SYT2: variants seen among roughly 807,000 people sequenced by gnomAD.
The protein encoded by SYT2 is synaptotagmin-2.
Under a neutral mutation model 39.9 loss-of-function variants are expected in SYT2, and 15 were observed. The ratio of observed to expected loss-of-function variants is 0.38; its 90% CI spans 0.25 to 0.58. SYT2 has a LOEUF of 0.58. Among genes scored for constraint, SYT2 ranks in the 20% least tolerant of loss-of-function variants. The probability of loss-of-function intolerance (pLI) is 0.70; values close to 1 mark genes in which losing one functional copy is unlikely to be tolerated. For missense variants in SYT2, 389 were observed against 530.3 expected (o/e 0.73, Z 2.62); for synonymous variants, 181 against 204.5 (o/e 0.89, Z 0.98).
intron 1 of SYT2, among the ~76,000 whole-genome samples, chr1:202,679,440 C>T (rs151285358): frequency 6.6e-6 from 1 of 152,200 alleles, no homozygotes; most frequent in Admixed American, 6.5e-5. Flanking sequence ...CTTCTCAGCT[C>T]CAGGCACCAT....
intron 1 of SYT2, among the ~76,000 whole-genome samples, chr1:202,634,022 C>T (rs1352043254): frequency 4.6e-5 from 7 of 152,200 alleles, no homozygotes; most frequent in Admixed American, 3.9e-4. Context: ...GGGCCAGAGG[C>T]CAGGGTCCAA....
In SYT2 at chr1:202,592,402, G is replaced by A. The variant is rs953271524; in HGVS notation, c.*4355C>T. The A allele has an allele frequency of 3.9e-5, 6 of 152,668 alleles. No homozygotes were observed. Among genetic ancestry groups the A allele is most frequent in the Admixed American group, 3.3e-4 (5 of 15,284 alleles). The allele number at this position is 152,668 out of a possible 1,614,324, so 9.5% of individuals were successfully genotyped here. A position where few individuals can be genotyped will look rare whatever the true frequency, so the allele number is the denominator to read the frequency against. On this transcript the variant is annotated 3_prime_UTR_variant, in exon 9 of 9. Transcript: ENST00000367268. ...GGTTTCCCGATGGGAGGAGGCAGGGGTGGGGCTGGGGAACAAAGACTTTAC... is the reference window on the plus strand; with the variant it reads ...GGTTTCCCGATGGGAGGAGGCAGGGATGGGGCTGGGGAACAAAGACTTTAC...
At chr1:202,685,582 A>C (rs1653642701) in intron 1 of SYT2, among the ~76,000 whole-genome samples, 1 of 151,838 alleles carries the variant, frequency 6.6e-6, no homozygotes, top group Non-Finnish European at 1.5e-5. Flanking sequence ...GCATCACCCC[A>C]CCTCACCACA....
Position 202,602,501 on chromosome 1 carries a change from G to A in SYT2, c.510C>T (p.Asp170=), listed in dbSNP as rs1378011653. 8.1e-6 allele frequency: 13 copies of A among 1,614,028 alleles called. No homozygotes were observed. Among genetic ancestry groups the A allele is most frequent in the Middle Eastern group, 1.7e-4 (1 of 5,974 alleles). The stretch of plus-strand genomic sequence containing the variant: ...CATAAGGGTCTGAGGTGCCTCCCAT[G>A]TCCAGGGCAGGCAGTTCAGCAGCCT... ...VLQAAELPAL[D]MGGTSDPYVK... is the part of the protein sequence containing the mutation. The change falls in exon 5 of 9, where the codon GAC becomes GAT. Residue 170 remains aspartate, a synonymous_variant. Transcript: ENST00000367268.
At chr1:202,618,788 C>T (rs779856976) in intron 1 of SYT2, among the ~76,000 whole-genome samples, 9 of 152,248 alleles carry the variant, frequency 5.9e-5, no homozygotes, top group East Asian at 3.9e-4. Context: ...CTGGGAGACA[C>T]GCCAGTAGCT....
chr1:202,598,060 CTG>C (rs1433519705), intron 8 of SYT2, among the ~76,000 whole-genome samples: 1 of 152,202 alleles, frequency 6.6e-6, no homozygotes, highest in Non-Finnish European at 1.5e-5. Context: ...TGCCCTCCCA[CTG>C]TGAGGTCCTT....
At chr1:202,644,751 C>G (rs1417281387) in intron 1 of SYT2, among the ~76,000 whole-genome samples, 4 of 152,120 alleles carry the variant, frequency 2.6e-5, no homozygotes, top group African/African-American at 9.7e-5. Context: ...TCACTCAGGG[C>G]TTTCCAGGGC....
intron 1 of SYT2, among the ~76,000 whole-genome samples, chr1:202,704,324 G>A (rs530730026): frequency 1.2e-4 from 19 of 152,304 alleles, no homozygotes; most frequent in South Asian, 4.2e-4. Flanking sequence ...CTTGGGGAGC[G>A]CCCAGGCTGA....
At chr1:202,611,408 A>G (rs1182080236) in intron 1 of SYT2, among the ~76,000 whole-genome samples, 1 of 151,926 alleles carries the variant, frequency 6.6e-6, no homozygotes, top group East Asian at 1.9e-4. Flanking sequence ...CTGGAGTGCA[A>G]TGGCACAATC....
At chr1:202,647,733 C>A (rs1692116364) in intron 1 of SYT2, among the ~76,000 whole-genome samples, 1 of 152,180 alleles carries the variant, frequency 6.6e-6, no homozygotes, top group Non-Finnish European at 1.5e-5. Flanking sequence ...AGAAACGAAG[C>A]AACTAGATTT....
intron 1 of SYT2, among the ~76,000 whole-genome samples, chr1:202,661,357 G>A (rs1238775470): frequency 6.6e-6 from 1 of 151,934 alleles, no homozygotes; most frequent in Non-Finnish European, 1.5e-5. Context: ...ATGCCAAGCA[G>A]AAGCAGCCTA....
In SYT2 at chr1:202,596,873, C is replaced by T. The variant is rs1690317016; in HGVS notation, c.1144G>A (p.Gly382Ser). The T allele has an allele frequency of 6.2e-7, 1 of 1,614,084 alleles. No individual in the cohort carries two copies. Among genetic ancestry groups the T allele is most frequent in the Admixed American group, 1.7e-5 (1 of 60,006 alleles). ...TCGGACCAGTGCCGCAGCTCTGTGC[C>T]CGTGGCATTGCTGCCCACGAAGATC... ...GKIFVGSNAT[G>S]TELRHWSDML... Residue 382 changes from glycine (G) to serine (S), a missense_variant, in exon 9 of 9, where the codon GGC becomes AGC. Physicochemically the swap from Gly to Ser is moderately conservative, Grantham distance 56. This residue lies in a region of SYT2 where 84 missense variants were observed against 123.1 expected (regional missense o/e 0.68). Coordinates refer to ENST00000367268, the MANE Select transcript of SYT2 (RefSeq NM_177402.5).
At chr1:202,644,619 C>T (rs1323990886) in intron 1 of SYT2, among the ~76,000 whole-genome samples, 34 of 152,176 alleles carry the variant, frequency 2.2e-4, no homozygotes, top group Non-Finnish European at 4.3e-4. Flanking sequence ...TTTCTGTTTG[C>T]CTTCCACTCT....
At chr1:202,678,223 G>A (rs533065779) in intron 1 of SYT2, among the ~76,000 whole-genome samples, 58 of 131,294 alleles carry the variant, frequency 4.4e-4, no homozygotes, top group African/African-American at 1.5e-3. Context: ...GCAGTGAGCC[G>A]AGATCGTGCC....
Position 202,666,045 on chromosome 1 carries a change from C to T in SYT2, c.-18+44213G>A, listed in dbSNP as rs369968203. 6.0e-5 allele frequency among the ~76,000 whole-genome samples: 9 copies of T among 149,680 alleles called. No homozygotes were observed. The East Asian group carries it at 1.0e-3, about 17-fold the overall frequency. On this transcript the variant is annotated intron_variant, in intron 1 of 8. Coordinates refer to ENST00000367268, the MANE Select transcript of SYT2 (RefSeq NM_177402.5). The stretch of plus-strand genomic sequence containing the variant: ...GCGGGCGCCTGTAGTCCCAGCTACT[C>T]GGGAGGTTGAGGCAGGAGAATGGCG...
In SYT2 at chr1:202,596,355, T is replaced by C; in HGVS notation, c.*402A>G. 5.3e-6 allele frequency: 1 copy of C among 189,240 alleles called. No individual in the cohort carries two copies. Among genetic ancestry groups the C allele is most frequent in the Non-Finnish European group, 1.1e-5 (1 of 93,382 alleles). The allele number at this position is 189,240 out of a possible 1,614,324, so 11.7% of individuals were successfully genotyped here. A position where few individuals can be genotyped will look rare whatever the true frequency, so the allele number is the denominator to read the frequency against. ...CACACACGATCATTGGCCACTGTGA[T>C]GCCTTCCCTGTCAGGAAGCAGGATG... On this transcript the variant is annotated 3_prime_UTR_variant, in exon 9 of 9. Transcript: ENST00000367268.
At position 202,596,262 on chromosome 1, in the gene SYT2, C is replaced by T. The variant is rs2149062915; in HGVS notation, c.*495G>A. On this transcript the variant is annotated 3_prime_UTR_variant, in exon 9 of 9. Transcript: ENST00000367268. ...CACATTCCAGGAATGAAGAGAAATG[C>T]TCAAAGACACACACACACACACACA... 1 of 140,546 alleles carries T rather than the reference C, an allele frequency of 7.1e-6. No individual in the cohort carries two copies. The highest frequency in any genetic ancestry group is 2.1e-4 in the East Asian group (1 of 4,686). 8.7% of individuals were successfully genotyped at this position (140,546 alleles called of 1,614,324 possible).
intron 1 of SYT2, among the ~76,000 whole-genome samples, chr1:202,666,429 G>A (rs1258367426): frequency 6.6e-6 from 1 of 152,126 alleles, no homozygotes; most frequent in Non-Finnish European, 1.5e-5. Flanking sequence ...GGAGGGCCCA[G>A]GATTTTGCAT....
chr1:202,624,147 G>C lies in SYT2; in HGVS notation c.-17-18358C>G, dbSNP rs141948791. Among the ~76,000 whole-genome samples, 324 of 152,136 alleles carry C rather than the reference G, an allele frequency of 2.1e-3. 2 individuals are homozygous for C. Among genetic ancestry groups the C allele is most frequent in the Middle Eastern group, 0.01 (3 of 294 alleles). On this transcript the variant is annotated intron_variant, in intron 1 of 8. Transcript: ENST00000367268. The stretch of plus-strand genomic sequence containing the variant: ...GAGTGTGGTGGTGTGTGTGTGATGT[G>C]AGTGTGCATATGTGGCGTGTGCATG...
Sources: allele counts gnomAD v4.1 joint callset (sites outside exome capture counted in the v4.1 genomes callset), GRCh38; gene constraint gnomAD v4.1.1; regional missense constraint gnomAD v4.1.1; transcripts MANE v1.5; gene names NCBI Gene and HGNC (gene_info 2026-07-23, HGNC 2026-07-21).